ANO2: variants seen among roughly 807,000 people sequenced by gnomAD.
The protein encoded by ANO2 is anoctamin 2, also known as anoctamin-2.
In ANO2, 101 loss-of-function variants were observed where a neutral mutation model predicts 124.2. That is an observed-to-expected ratio of 0.81 (90% CI 0.69 to 0.96). The LOEUF is 0.96. Ranked by LOEUF, ANO2 falls within the 40% of genes least tolerant of loss-of-function variation. The probability of loss-of-function intolerance (pLI) is 0.00; values close to 1 mark genes in which losing one functional copy is unlikely to be tolerated. For synonymous variants in ANO2, 486 were observed against 482.5 expected (o/e 1.01, Z -0.09); for missense variants, 1,293 against 1,274.5 (o/e 1.01, Z -0.22).
chr12:5,762,128 G>A (rs906169469), intron 10 of ANO2, among the ~76,000 whole-genome samples: 6 of 151,846 alleles, frequency 4.0e-5, no homozygotes, highest in African/African-American at 1.2e-4. Context: ...AAATCTCTTC[G>A]GTAACTACAT....
intron 14 of ANO2, among the ~76,000 whole-genome samples, chr12:5,731,563 A>G (rs565342542): frequency 6.6e-6 from 1 of 152,058 alleles, no homozygotes; most frequent in South Asian, 2.1e-4. Context: ...TTTTTTCAAG[A>G]ACCAGATTAA....
At chr12:5,807,854 A>G (rs1329242787) in intron 7 of ANO2, among the ~76,000 whole-genome samples, 3 of 152,208 alleles carry the variant, frequency 2.0e-5, no homozygotes, top group African/African-American at 7.2e-5. Context: ...GCAGGAAGCA[A>G]CAGGGCAGTG....
chr12:5,810,437 C>T (rs12311230), intron 7 of ANO2, among the ~76,000 whole-genome samples: 19,859 of 152,022 alleles, frequency 0.13, 1,842 homozygotes, highest in African/African-American at 0.26. Flanking sequence ...TTTTTTCTTT[C>T]TTTTCAGCAA....
chr12:5,922,759 G>A lies in ANO2; in HGVS notation c.68C>T (p.Ala23Val). The change falls in exon 2 of 25, where the codon GCA becomes GTA. Residue 23 changes from alanine (A) to valine (V), a missense_variant. Physicochemically the swap from Ala to Val is moderately conservative, Grantham distance 64. Transcript: ENST00000682330. ...GGGGCCCTGGCCCCCTCTGGACCCT[G>A]CCTGAGGGCTCAGCCGGCGTGGGGA... ...PGSPRRLSPQ[A>V]GSRGGQGPKH... 1 of 1,565,664 alleles carries A rather than the reference G, an allele frequency of 6.4e-7. No homozygotes were observed. The highest frequency in any genetic ancestry group is 8.6e-7 in the Non-Finnish European group (1 of 1,156,488).
Position 5,575,821 on chromosome 12 carries a change from A to C in ANO2, c.2621+13T>G. 1.9e-6 allele frequency: 3 copies of C among 1,612,364 alleles called. No homozygotes were observed. The highest frequency in any genetic ancestry group is 2.5e-6 in the Non-Finnish European group (3 of 1,178,888). On this transcript the variant is annotated intron_variant, in intron 23 of 24. Coordinates refer to ENST00000682330, the MANE Select transcript of ANO2 (RefSeq NM_001364791.2). Reference sequence around the variant, plus strand: ...CTGGTCCTCTGCTGCCCTTCTCCTGAAGATTACTTTACCTGCAGAACTGAA... The same window carrying C: ...CTGGTCCTCTGCTGCCCTTCTCCTGCAGATTACTTTACCTGCAGAACTGAA...
At chr12:5,691,314 C>A (rs1400415614) in intron 14 of ANO2, among the ~76,000 whole-genome samples, 2 of 96,192 alleles carry the variant, frequency 2.1e-5, no homozygotes, top group African/African-American at 4.5e-5. Context: ...GGCAACAGAG[C>A]AAGACTCCAT....
intron 21 of ANO2, 29 bp downstream of exon 21, chr12:5,578,337 C>T: frequency 6.2e-7 from 1 of 1,606,056 alleles, no homozygotes; most frequent in South Asian, 1.1e-5. Flanking sequence ...AAGGATGGGC[C>T]TGGTGGGGCC....
At chr12:5,718,559 T>C (rs1282707054) in intron 14 of ANO2, among the ~76,000 whole-genome samples, 2 of 152,176 alleles carry the variant, frequency 1.3e-5, no homozygotes, top group Non-Finnish European at 2.9e-5. Flanking sequence ...GGAAAGCACA[T>C]GTTTATGCGA....
At chr12:5,939,087 C>T (rs932407925) in intron 1 of ANO2, among the ~76,000 whole-genome samples, 2 of 146,572 alleles carry the variant, frequency 1.4e-5, no homozygotes, top group African/African-American at 5.0e-5. Flanking sequence ...CGTAGTGGTG[C>T]GCGCCTGTAG....
At chr12:5,780,271 T>A (rs979346427) in intron 10 of ANO2, among the ~76,000 whole-genome samples, 2 of 152,206 alleles carry the variant, frequency 1.3e-5, no homozygotes, top group African/African-American at 2.4e-5. Flanking sequence ...GAACAACTGA[T>A]GAATCTGAGT....
In ANO2 at chr12:5,647,807, G is replaced by A; in HGVS notation, c.1546-6C>T. ...GTCAGTTTATCTTCATCATCCTGGG[G>A]AGAAACGGGAGAGTAGAGACAATCA... On this transcript the variant is annotated splice_region_variant and splice_polypyrimidine_tract_variant and intron_variant, in intron 14 of 24. Transcript: ENST00000682330. 1 of 1,604,118 alleles carries A rather than the reference G, an allele frequency of 6.2e-7. No homozygotes were observed.
In ANO2 at chr12:5,594,748, G is replaced by A. The variant is rs568907094; in HGVS notation, c.2233+4736C>T. On this transcript the variant is annotated intron_variant, in intron 20 of 24. Coordinates refer to ENST00000682330, the MANE Select transcript of ANO2 (RefSeq NM_001364791.2). Reference sequence around the variant, plus strand: ...AGTTACTAGGGAGGCTGAGGTGAGAGGGTCACTTGAGCCTGGGAGGTCCAG... The same window carrying A: ...AGTTACTAGGGAGGCTGAGGTGAGAAGGTCACTTGAGCCTGGGAGGTCCAG... 2.6e-5 allele frequency among the ~76,000 whole-genome samples: 4 copies of A among 152,302 alleles called. No individual in the cohort carries two copies. In the South Asian group the frequency reaches 6.2e-4, roughly 24 times the overall value.
At chr12:5,748,991 T>A (rs1951358925) in intron 11 of ANO2, among the ~76,000 whole-genome samples, 1 of 152,122 alleles carries the variant, frequency 6.6e-6, no homozygotes. Flanking sequence ...ATATTGACAA[T>A]ATAATCTTCA....
intron 14 of ANO2, among the ~76,000 whole-genome samples, chr12:5,686,419 G>A (rs1948709639): frequency 2.0e-5 from 3 of 152,126 alleles, no homozygotes; most frequent in Admixed American, 2.0e-4. Context: ...CATACTATGT[G>A]CTGGGTTAAT....
chr12:5,807,498 C>G (rs894558217), intron 7 of ANO2, 130 bp from the exon 8 acceptor site: 2 of 668,640 alleles, frequency 3.0e-6, no homozygotes, highest in South Asian at 2.4e-5. Context: ...TCTATATCAT[C>G]CAGGCTAGAA....
chr12:5,711,982 A>AT (rs1949835794), intron 14 of ANO2, among the ~76,000 whole-genome samples: 4 of 152,182 alleles, frequency 2.6e-5, no homozygotes, highest in Admixed American at 6.5e-5. Context: ...CAAGTTAATG[A>AT]TAAGGACCTA....
At chr12:5,611,051 C>G (rs993698933) in intron 19 of ANO2, among the ~76,000 whole-genome samples, 1 of 144,668 alleles carries the variant, frequency 6.9e-6, no homozygotes, top group Non-Finnish European at 1.5e-5. Context: ...GCTCACTGTA[C>G]CCTCCACCTC....
intron 19 of ANO2, among the ~76,000 whole-genome samples, chr12:5,600,685 T>C (rs1025837460): frequency 6.6e-6 from 1 of 152,224 alleles, no homozygotes; most frequent in Non-Finnish European, 1.5e-5. Flanking sequence ...ATTGCAGTTT[T>C]TGCAATTACT....
In ANO2 at chr12:5,563,218, C is replaced by T. The variant is rs1246747530; in HGVS notation, c.*81G>A. The stretch of plus-strand genomic sequence containing the variant: ...GCCAGGCCCCTGCAGACAGACAGCA[C>T]GCCATGTGGGTGTAGGAACATGCTT... On this transcript the variant is annotated 3_prime_UTR_variant, in exon 25 of 25. Coordinates refer to ENST00000682330, the MANE Select transcript of ANO2 (RefSeq NM_001364791.2). 2.1e-5 allele frequency: 32 copies of T among 1,491,856 alleles called. No homozygotes were observed. Among genetic ancestry groups the T allele is most frequent in the East Asian group, 1.2e-4 (5 of 40,460 alleles). The allele number at this position is 1,491,856 out of a possible 1,614,324, so 92.4% of individuals were successfully genotyped here.
Sources: allele counts gnomAD v4.1 joint callset (sites outside exome capture counted in the v4.1 genomes callset), GRCh38; gene constraint gnomAD v4.1.1; transcripts MANE v1.5; gene names NCBI Gene and HGNC (gene_info 2026-07-23, HGNC 2026-07-21).